The following MCM10 variants were observed in gnomAD, a reference collection of about 807,000 sequenced individuals.
MCM10 encodes minichromosome maintenance 10 replication initiation factor, also known as protein MCM10 homolog.
MCM10 carries 91 observed loss-of-function variants against 109.9 expected under a neutral mutation model. The observed-to-expected ratio is 0.83, with a 90% CI of 0.70 to 0.99. The LOEUF is 0.99. MCM10 is among the 50% of genes least tolerant of loss of function. The pLI is 0.00. For synonymous variants in MCM10, 380 were observed against 387.2 expected (o/e 0.98, Z 0.22); for missense variants, 1,077 against 1,061.2 (o/e 1.01, Z -0.21).
At chr10:13,177,508 C>CTTTTTTTTTTTT (rs60316855) in intron 6 of MCM10, among the ~76,000 whole-genome samples, 3 of 105,264 alleles carry the variant, frequency 2.8e-5, no homozygotes, top group African/African-American at 4.1e-5. Flanking sequence ...GATTTTGGAG[C>CTTTTTTTTTTTT]TTTTTTTTTT....
At chr10:13,195,010 T>A (rs1199577295) in intron 13 of MCM10, 31 bp from the exon 14 acceptor site, 1 of 1,589,368 alleles carries the variant, frequency 6.3e-7, no homozygotes, top group Non-Finnish European at 8.6e-7. Flanking sequence ...GTAAACCCTG[T>A]TTGCGTATTT....
At chr10:13,170,826 T>G in intron 2 of MCM10, 96 bp from the exon 3 acceptor site, 1 of 1,054,538 alleles carries the variant, frequency 9.5e-7, no homozygotes, top group Non-Finnish European at 1.4e-6. Context: ...CATTAGGTAG[T>G]TTCTCTTACC....
intron 5 of MCM10, among the ~76,000 whole-genome samples, chr10:13,174,850 C>A (rs1036482250): frequency 6.6e-6 from 1 of 152,036 alleles, no homozygotes; most frequent in Non-Finnish European, 1.5e-5. Context: ...CAATCCTGGC[C>A]GGGGGCGGTG....
intron 14 of MCM10, among the ~76,000 whole-genome samples, chr10:13,196,984 G>T (rs989492856): frequency 1.3e-5 from 2 of 152,088 alleles, no homozygotes; most frequent in Non-Finnish European, 2.9e-5. Flanking sequence ...GTGTACAGTG[G>T]TGCAATCACA....
chr10:13,198,561 C>A, intron 15 of MCM10, 128 bp from the exon 16 acceptor site: 1 of 670,416 alleles, frequency 1.5e-6, no homozygotes, highest in Admixed American at 2.3e-5. Context: ...CTGGGACCAG[C>A]GGGGGTAGGT....
At chr10:13,193,380 T>G (rs1424161465) in intron 13 of MCM10, among the ~76,000 whole-genome samples, 1 of 151,900 alleles carries the variant, frequency 6.6e-6, no homozygotes, top group Non-Finnish European at 1.5e-5. Context: ...GTCACCTGAA[T>G]ACTAATGAGA....
chr10:13,206,935 G>T (rs960357889), intron 18 of MCM10, among the ~76,000 whole-genome samples: 1 of 152,052 alleles, frequency 6.6e-6, no homozygotes, highest in Non-Finnish European at 1.5e-5. Flanking sequence ...CTCCTGAGTA[G>T]CTGGGACTAC....
intron 10 of MCM10, among the ~76,000 whole-genome samples, chr10:13,190,193 C>T (rs1436140503): frequency 6.6e-6 from 1 of 152,100 alleles, no homozygotes; most frequent in Non-Finnish European, 1.5e-5. Context: ...GATTTTTGTT[C>T]CCAATCCAGC....
At position 13,207,236 on chromosome 10, in the gene MCM10, G is replaced by T. The variant is rs141795116; in HGVS notation, c.2499-1855G>T. Reference sequence around the variant, plus strand: ...CTGGTGCAGCCTGAAAGCAACCATAGATAATACACAGGCAACTGGGCACGG... The same window carrying T: ...CTGGTGCAGCCTGAAAGCAACCATATATAATACACAGGCAACTGGGCACGG... On this transcript the variant is annotated intron_variant, in intron 18 of 19. Coordinates refer to ENST00000378714, the MANE Select transcript of MCM10 (RefSeq NM_018518.5). 4.1e-4 allele frequency among the ~76,000 whole-genome samples: 62 copies of T among 152,304 alleles called. 1 individual carries two copies. In the East Asian group the frequency reaches 0.012, roughly 28 times the overall value.
At chr10:13,200,403 A>G (rs1033992350) in intron 16 of MCM10, among the ~76,000 whole-genome samples, 1 of 152,210 alleles carries the variant, frequency 6.6e-6, no homozygotes, top group African/African-American at 2.4e-5. Flanking sequence ...ATTGCAATGA[A>G]AAGGAAAGTG....
chr10:13,208,176 G>T (rs952962625), intron 18 of MCM10, among the ~76,000 whole-genome samples: 3 of 151,984 alleles, frequency 2.0e-5, no homozygotes, highest in African/African-American at 7.3e-5. Flanking sequence ...TTGAGCCCAG[G>T]AGTTCAAGAC....
intron 8 of MCM10, among the ~76,000 whole-genome samples, chr10:13,185,478 T>TA (rs1834262907): frequency 6.6e-6 from 1 of 152,206 alleles, no homozygotes; most frequent in Non-Finnish European, 1.5e-5. Flanking sequence ...GCCAGCCTCC[T>TA]AACTCATTTT....
intron 6 of MCM10, among the ~76,000 whole-genome samples, chr10:13,175,959 A>C (rs1834136918): frequency 6.6e-6 from 1 of 152,220 alleles, no homozygotes; most frequent in African/African-American, 2.4e-5. Flanking sequence ...TTAATCAGAA[A>C]TTGACAGATG....
chr10:13,186,348 C>A, intron 9 of MCM10, 68 bp downstream of exon 9: 1 of 1,087,106 alleles, frequency 9.2e-7, no homozygotes, highest in Non-Finnish European at 1.4e-6. Flanking sequence ...ACTGTTGGTG[C>A]TTTAGCTGTG....
At chr10:13,193,059 T>C (rs1834370109) in intron 13 of MCM10, among the ~76,000 whole-genome samples, 2 of 152,104 alleles carry the variant, frequency 1.3e-5, no homozygotes, top group South Asian at 4.2e-4. Context: ...CTAATTTTTG[T>C]ATTTTTTTAT....
chr10:13,201,592 C>T lies in MCM10; in HGVS notation c.2352+58C>T, dbSNP rs548277641. 4.2e-5 allele frequency: 53 copies of T among 1,258,054 alleles called. No individual in the cohort carries two copies. The Middle Eastern group carries it at 1.2e-3, about 28-fold the overall frequency. 77.9% of individuals were successfully genotyped at this position (1,258,054 alleles called of 1,614,324 possible). On this transcript the variant is annotated intron_variant, in intron 17 of 19. Coordinates refer to ENST00000378714, the MANE Select transcript of MCM10 (RefSeq NM_018518.5). ...GGCCCTGTGTGGTGCTTTTGTGACTCGGCAGCATGTGGAGAACCTGTGGGA... is the reference window on the plus strand; with the variant it reads ...GGCCCTGTGTGGTGCTTTTGTGACTTGGCAGCATGTGGAGAACCTGTGGGA...
chr10:13,164,161 G>T lies in MCM10; in HGVS notation c.-42G>T. On this transcript the variant is annotated 5_prime_UTR_variant, in exon 2 of 20. Transcript: ENST00000378714. ...CTACATTGCTCATCTGGGCATCTGA[G>T]CCTCCTTCGAAGTTTCCTGTCACAA... 1 of 1,562,936 alleles carries T rather than the reference G, an allele frequency of 6.4e-7. No individual in the cohort carries two copies. The highest frequency in any genetic ancestry group is 8.6e-7 in the Non-Finnish European group (1 of 1,161,500).
chr10:13,171,096 A>T lies in MCM10; in HGVS notation c.182A>T (p.Asp61Val). ...DGESYTEEAD[D>V]GETGETRDEK... is the part of the protein sequence containing the mutation. ...GAATCTTATACAGAAGAGGCTGATG[A>T]TGGAGAAACAGGAGAGACAAGAGAC... The change falls in exon 3 of 20, where the codon GAT (aspartate) becomes GTT (valine). Residue 61 changes from aspartate (D) to valine (V), a missense_variant. Physicochemically the swap from Asp to Val is radical, Grantham distance 152 (BLOSUM62 -3). Coordinates refer to ENST00000378714, the MANE Select transcript of MCM10 (RefSeq NM_018518.5). 1 of 1,614,226 alleles carries T rather than the reference A, an allele frequency of 6.2e-7. No individual in the cohort carries two copies. Among genetic ancestry groups the T allele is most frequent in the South Asian group, 1.1e-5 (1 of 91,090 alleles).
rs937465781 is a variant in MCM10, at chr10:13,182,275, A to G, written c.931-658A>G. On this transcript the variant is annotated intron_variant, in intron 7 of 19. Transcript: ENST00000378714. The surrounding 1 kb of genome is among the most constrained non-coding windows in gnomAD (Gnocchi z 4.2). Reference sequence around the variant, plus strand: ...GATCACTTGAGCCCAGGAATTCATGACCAGTCTGGGCAACATAGTGAGACC... The same window carrying G: ...GATCACTTGAGCCCAGGAATTCATGGCCAGTCTGGGCAACATAGTGAGACC... Among the ~76,000 whole-genome samples, 1 of 151,990 alleles carries G rather than the reference A, an allele frequency of 6.6e-6. No individual in the cohort carries two copies. Among genetic ancestry groups the G allele is most frequent in the Non-Finnish European group, 1.5e-5 (1 of 68,000 alleles).
Sources: gnomAD v4.1 joint callset for allele counts (sites outside exome capture counted in the v4.1 genomes callset) on GRCh38, gnomAD v4.1.1 for gene constraint, Gnocchi (gnomAD v3.1) non-coding constraint, MANE v1.5 for transcripts, NCBI Gene and HGNC (gene_info 2026-07-23, HGNC 2026-07-21) for gene names.